The following AGBL4 variants were observed in gnomAD, a reference collection of about 807,000 sequenced individuals.
AGBL4 encodes cytosolic carboxypeptidase 6.
AGBL4 carries 58 observed loss-of-function variants against 66.4 expected under a neutral mutation model. That is an observed-to-expected ratio of 0.87 (90% CI 0.71 to 1.09). The LOEUF (loss-of-function observed/expected upper bound fraction) is 1.09, where lower values mean the gene tolerates loss of function less well. AGBL4 is among the 50% of genes least tolerant of loss of function. The pLI, the probability that AGBL4 is intolerant of heterozygous loss-of-function variation, is 0.00. For missense variants in AGBL4, 579 were observed against 631.0 expected, an observed-to-expected ratio of 0.92 and a Z score of 0.88; for synonymous variants, 234 against 222.9, an observed-to-expected ratio of 1.05 and a Z score of -0.44.
At chr1:49,624,703 G>A (rs1019905723) in intron 3 of AGBL4, among the ~76,000 whole-genome samples, 2 of 152,144 alleles carry the variant, frequency 1.3e-5, no homozygotes, top group African/African-American at 2.4e-5. Flanking sequence ...CTTGAGGATA[G>A]AGCCAAGAGC....
At chr1:49,076,614 A>G (rs1396757539) in intron 4 of AGBL4, among the ~76,000 whole-genome samples, 1 of 152,226 alleles carries the variant, frequency 6.6e-6, no homozygotes, top group East Asian at 1.9e-4. Flanking sequence ...AATTGTCTGC[A>G]GAATGTTGCA....
At chr1:49,062,262 ACTTATCTTTGGT>A (rs1478944908) in intron 4 of AGBL4, among the ~76,000 whole-genome samples, 1 of 152,162 alleles carries the variant, frequency 6.6e-6, no homozygotes, top group African/African-American at 2.4e-5. Context: ...GTCAAGAGTT[ACTTATCTTTGGT>A]CTCACTTCCT....
intron 3 of AGBL4, among the ~76,000 whole-genome samples, chr1:49,399,486 C>T (rs953271820): frequency 6.6e-6 from 1 of 152,134 alleles, no homozygotes; most frequent in African/African-American, 2.4e-5. Context: ...TCCCTTTTCT[C>T]TACATCCTCA....
In AGBL4 at chr1:48,909,734, C is replaced by T. The variant is rs192937008; in HGVS notation, c.595-42504G>A. Among the ~76,000 whole-genome samples, 5 of 152,274 alleles carry T rather than the reference C, an allele frequency of 3.3e-5. No individual in the cohort carries two copies. The East Asian group carries it at 9.6e-4, about 29-fold the overall frequency. On this transcript the variant is annotated intron_variant, in intron 5 of 13. Coordinates refer to ENST00000371839, the MANE Select transcript of AGBL4 (RefSeq NM_032785.4). ...CTGCAATGCAGTAGAAAGAGAAATA[C>T]GTACGAAACATACAGAACACATACC...
intron 4 of AGBL4, among the ~76,000 whole-genome samples, chr1:49,123,811 G>T (rs555741670): frequency 1.1e-4 from 16 of 152,124 alleles, no homozygotes; most frequent in Non-Finnish European, 1.9e-4. Flanking sequence ...TATATCTCTT[G>T]TTGCCTTGGT....
intron 2 of AGBL4, among the ~76,000 whole-genome samples, chr1:49,765,234 AC>A (rs1012014334): frequency 1.0e-4 from 15 of 150,716 alleles, no homozygotes; most frequent in African/African-American, 3.2e-4. Context: ...ATCAGTACAA[AC>A]CCCCCTGCTT....
At chr1:49,758,439 T>A (rs149119554) in intron 2 of AGBL4, among the ~76,000 whole-genome samples, 1 of 152,174 alleles carries the variant, frequency 6.6e-6, no homozygotes, top group Admixed American at 6.5e-5. Context: ...CAAGAGCTTA[T>A]ACCGTATGCT....
chr1:49,439,367 A>G (rs1234825065), intron 3 of AGBL4, among the ~76,000 whole-genome samples: 1 of 152,228 alleles, frequency 6.6e-6, no homozygotes, highest in East Asian at 1.9e-4. Context: ...AGTTCTCAGG[A>G]ATAAGACTGT....
intron 3 of AGBL4, among the ~76,000 whole-genome samples, chr1:49,316,121 C>G (rs187490331): frequency 6.6e-6 from 1 of 151,722 alleles, no homozygotes; most frequent in East Asian, 1.9e-4. Flanking sequence ...GAGAAAGGGA[C>G]GAATAGGTGG....
At chr1:48,864,196 CA>C (rs2148821427) in intron 6 of AGBL4, among the ~76,000 whole-genome samples, 1 of 152,196 alleles carries the variant, frequency 6.6e-6, no homozygotes, top group South Asian at 2.1e-4. Context: ...TGCCCTATCT[CA>C]TTAGTAATTA....
intron 3 of AGBL4, among the ~76,000 whole-genome samples, chr1:49,323,662 G>A (rs954416341): frequency 6.6e-6 from 1 of 151,332 alleles, no homozygotes; most frequent in African/African-American, 2.4e-5. Context: ...GGCGGGTGCC[G>A]GTAGACTGAG....
intron 3 of AGBL4, among the ~76,000 whole-genome samples, chr1:49,461,980 T>C (rs979947830): frequency 6.6e-6 from 1 of 151,852 alleles, no homozygotes; most frequent in African/African-American, 2.4e-5. Flanking sequence ...TTTGGGTATA[T>C]ACCCAGTAAT....
intron 8 of AGBL4, among the ~76,000 whole-genome samples, chr1:48,650,811 C>T (rs1645917637): frequency 6.6e-6 from 1 of 152,130 alleles, no homozygotes; most frequent in Admixed American, 6.5e-5. Flanking sequence ...GTACTATTTC[C>T]CCTCTTAGAT....
At chr1:49,947,853 TACA>T (rs1396151070) in intron 1 of AGBL4, among the ~76,000 whole-genome samples, 1 of 144,582 alleles carries the variant, frequency 6.9e-6, no homozygotes, top group Non-Finnish European at 1.5e-5. Context: ...AGTTTCTGGA[TACA>T]ACATCAATGT....
rs561888538 is a variant in AGBL4, at chr1:49,492,909, A to G, written c.282+204404T>C. On this transcript the variant is annotated intron_variant, in intron 3 of 13. Coordinates refer to ENST00000371839, the MANE Select transcript of AGBL4 (RefSeq NM_032785.4). The stretch of plus-strand genomic sequence containing the variant: ...AGGAAAGAGGTTTAAATGACTCACA[A>G]TTGAGCATGACTGGGTAGGCCTCAG... Among the ~76,000 whole-genome samples the G allele has an allele frequency of 1.3e-4, 20 of 152,064 alleles. No individual in the cohort carries two copies. The South Asian group carries it at 2.3e-3, about 17-fold the overall frequency.
At chr1:49,605,946 A>T (rs1645056039) in intron 3 of AGBL4, among the ~76,000 whole-genome samples, 1 of 152,186 alleles carries the variant, frequency 6.6e-6, no homozygotes, top group East Asian at 1.9e-4. Context: ...AGGGAAATAA[A>T]GGAGACTATT....
chr1:48,834,356 C>T (rs1646627592), intron 6 of AGBL4, among the ~76,000 whole-genome samples: 1 of 152,050 alleles, frequency 6.6e-6, no homozygotes, highest in South Asian at 2.1e-4. Flanking sequence ...ATGTATTTTG[C>T]ATGAGAGAAC....
chr1:49,677,688 T>C (rs1646607566), intron 3 of AGBL4, among the ~76,000 whole-genome samples: 1 of 152,212 alleles, frequency 6.6e-6, no homozygotes, highest in African/African-American at 2.4e-5. Flanking sequence ...AAAATTAGTA[T>C]TTTGAAGACC....
chr1:48,981,136 G>A (rs1282882314), intron 5 of AGBL4, among the ~76,000 whole-genome samples: 1 of 152,096 alleles, frequency 6.6e-6, no homozygotes, highest in African/African-American at 2.4e-5. Flanking sequence ...TTCAGTCATA[G>A]ACATAGCAAC....
Sources: allele counts gnomAD v4.1 joint callset (sites outside exome capture counted in the v4.1 genomes callset), GRCh38; gene constraint gnomAD v4.1.1; transcripts MANE v1.5; gene names NCBI Gene and HGNC (gene_info 2026-07-23, HGNC 2026-07-21).